The following AMBRA1 variants were observed in gnomAD, a reference collection of about 807,000 sequenced individuals.
AMBRA1 encodes the protein autophagy and beclin 1 regulator 1, also known as activating molecule in BECN1-regulated autophagy protein 1.
AMBRA1 carries 47 observed loss-of-function variants against 125.4 expected under a neutral mutation model. The observed-to-expected ratio is 0.37, with a 90% CI of 0.30 to 0.48. The LOEUF (loss-of-function observed/expected upper bound fraction) is 0.48, where lower values mean the gene tolerates loss of function less well. Ranked by LOEUF, AMBRA1 falls within the 20% of genes least tolerant of loss-of-function variation. AMBRA1 has a pLI of 0.99. For synonymous variants in AMBRA1, 626 were observed against 655.5 expected (o/e 0.95, Z 0.69); for missense variants, 1,331 against 1,693.4 (o/e 0.79, Z 3.76).
At chr11:46,545,926 G>A (rs991376828) in intron 4 of AMBRA1, 150 bp from the exon 5 acceptor site, 9 of 661,984 alleles carry the variant, frequency 1.4e-5, no homozygotes, top group South Asian at 3.9e-5. Flanking sequence ...GAAGATCAGC[G>A]ATCTGGTAGT....
intron 9 of AMBRA1, among the ~76,000 whole-genome samples, chr11:46,506,929 G>A (rs938573341): frequency 6.6e-6 from 1 of 151,450 alleles, no homozygotes; most frequent in Non-Finnish European, 1.5e-5. Flanking sequence ...ACTTTGGGAG[G>A]CCAAGGCAGG....
chr11:46,400,123 A>G (rs556035233), intron 17 of AMBRA1, among the ~76,000 whole-genome samples: 4 of 152,224 alleles, frequency 2.6e-5, no homozygotes, highest in Admixed American at 2.0e-4. Flanking sequence ...AGCTCTTGGT[A>G]GGGTGAGAAC....
intron 14 of AMBRA1, among the ~76,000 whole-genome samples, chr11:46,419,995 T>TACATACACACACACACACACACACACAC (rs1946767316): frequency 7.8e-6 from 1 of 129,018 alleles, no homozygotes; most frequent in Non-Finnish European, 1.6e-5. Context: ...GTGTCCTCAA[T>TACATACACACACACACACACACACACAC]ACACACACAC....
intron 7 of AMBRA1, among the ~76,000 whole-genome samples, chr11:46,533,181 G>T (rs927557866): frequency 6.6e-6 from 1 of 151,766 alleles, no homozygotes; most frequent in African/African-American, 2.4e-5. Flanking sequence ...AAAAAAAAAG[G>T]AAAAGAATTA....
intron 16 of AMBRA1, 133 bp from the exon 17 acceptor site, chr11:46,408,839 T>A (rs1193632646): frequency 2.8e-6 from 2 of 724,192 alleles, no homozygotes; most frequent in Admixed American, 7.7e-5. Flanking sequence ...CCTGTGCTCC[T>A]GCAACTACAT....
At chr11:46,567,941 G>A (rs2043593799) in intron 1 of AMBRA1, among the ~76,000 whole-genome samples, 1 of 151,644 alleles carries the variant, frequency 6.6e-6, no homozygotes, top group South Asian at 2.1e-4. Context: ...TGACATCAGG[G>A]GTCTGAAACC....
intron 11 of AMBRA1, among the ~76,000 whole-genome samples, chr11:46,483,255 A>T (rs180841475): frequency 6.6e-6 from 1 of 152,154 alleles, no homozygotes; most frequent in East Asian, 1.9e-4. Context: ...CTGGGGTGAC[A>T]CTCAACAGCT....
intron 14 of AMBRA1, chr11:46,428,672 C>T (rs1237592528): frequency 1.9e-5 from 30 of 1,599,420 alleles, no homozygotes; most frequent in Middle Eastern, 4.4e-4. Context: ...TGGCTGACCA[C>T]GTCCACGACC....
At chr11:46,402,428 C>G (rs1945809323) in intron 17 of AMBRA1, among the ~76,000 whole-genome samples, 1 of 152,132 alleles carries the variant, frequency 6.6e-6, no homozygotes, top group Non-Finnish European at 1.5e-5. Flanking sequence ...GTGGCGAGAT[C>G]TCAGCTCACT....
rs1377049396 is a variant in AMBRA1, at chr11:46,508,290, C to T, written c.2240G>A (p.Arg747His). 1.2e-5 allele frequency: 20 copies of T among 1,614,090 alleles called. No homozygotes were observed. The highest frequency in any genetic ancestry group is 1.5e-5 in the Non-Finnish European group (18 of 1,180,040). Residue 747 changes from arginine (R) to histidine (H), a missense_variant, in exon 9 of 18, where the codon CGC (arginine) becomes CAC (histidine). By Grantham distance (29) the Arg-to-His change is conservative. Coordinates refer to ENST00000683756, the MANE Select transcript of AMBRA1 (RefSeq NM_001387011.1). ...AGAACGGAGACGGTTCTGTTGGTAG[C>T]GCATGGAGCGCTGGCGAATACTGTC... ...RRDSIRQRSM[R>H]YQQNRLRSST...
chr11:46,542,566 C>T lies in AMBRA1; in HGVS notation c.1451G>A (p.Gly484Glu), dbSNP rs762480486. Residue 484 changes from glycine (G) to glutamate (E), a missense_variant, in exon 7 of 18, where the codon GGG (glycine) becomes GAG (glutamate). By Grantham distance (98) the Gly-to-Glu change is moderately conservative. Around this residue, in one of 4 missense-constraint regions of AMBRA1, gnomAD observed 689 missense variants for 776.5 expected, o/e 0.89. Coordinates refer to ENST00000683756, the MANE Select transcript of AMBRA1 (RefSeq NM_001387011.1). The surrounding 1 kb of genome is among the most constrained non-coding windows in gnomAD (Gnocchi z 5.9). The stretch of plus-strand genomic sequence containing the variant: ...CGAGTTGTTTTGGCTGGAGCCATTC[C>T]CTCCATCTGACTCAGTTGCCAACCC... ...ASGLATESDG[G>E]NGSSQNNSGS... The T allele has an allele frequency of 2.5e-6, 4 of 1,613,442 alleles. No homozygotes were observed. In the Admixed American group the frequency reaches 6.7e-5, roughly 27 times the overall value.
chr11:46,547,445 A>G (rs2042860663), intron 3 of AMBRA1, 149 bp from the exon 4 acceptor site: 1 of 690,448 alleles, frequency 1.4e-6, no homozygotes, highest in African/African-American at 1.8e-5. Flanking sequence ...ATATCTACAA[A>G]CAGAAATATT....
intron 1 of AMBRA1, among the ~76,000 whole-genome samples, chr11:46,583,244 A>G (rs928971606): frequency 2.2e-4 from 34 of 152,056 alleles, no homozygotes; most frequent in Non-Finnish European, 3.4e-4. Flanking sequence ...AAAACAAGCA[A>G]TGGGGAAAGG....
chr11:46,558,497 T>C (rs2043227253), intron 1 of AMBRA1, among the ~76,000 whole-genome samples: 2 of 132,094 alleles, frequency 1.5e-5, no homozygotes, highest in South Asian at 4.7e-4. Flanking sequence ...TGCAATGAGC[T>C]GAGATCCCAC....
chr11:46,565,757 A>T (rs902949507), intron 1 of AMBRA1, among the ~76,000 whole-genome samples: 2 of 152,082 alleles, frequency 1.3e-5, no homozygotes. Flanking sequence ...ATAGTAGCCA[A>T]AAAATTTATA....
At chr11:46,582,433 T>C (rs1216477426) in intron 1 of AMBRA1, among the ~76,000 whole-genome samples, 1 of 152,222 alleles carries the variant, frequency 6.6e-6, no homozygotes, top group African/African-American at 2.4e-5. Flanking sequence ...ACTGCAATTA[T>C]ATGTTTATTG....
At chr11:46,552,641 T>C (rs1016569561) in intron 1 of AMBRA1, among the ~76,000 whole-genome samples, 25 of 147,386 alleles carry the variant, frequency 1.7e-4, no homozygotes, top group African/African-American at 6.3e-4. Context: ...GCCGTGCCAT[T>C]GCACTCCAGC....
chr11:46,585,007 G>A (rs1017233931), intron 1 of AMBRA1, among the ~76,000 whole-genome samples: 8 of 152,090 alleles, frequency 5.3e-5, no homozygotes, highest in Non-Finnish European at 1.2e-4. Context: ...GGGAGGTAGA[G>A]GTTGCTGAGA....
chr11:46,401,192 C>CT (rs1255384699), intron 17 of AMBRA1, among the ~76,000 whole-genome samples: 2 of 152,154 alleles, frequency 1.3e-5, no homozygotes, highest in Non-Finnish European at 1.5e-5. Flanking sequence ...TGTGGCTGGC[C>CT]TGAGGCCTGC....
Sources: allele counts gnomAD v4.1 joint callset (sites outside exome capture counted in the v4.1 genomes callset), GRCh38; gene constraint gnomAD v4.1.1; regional missense constraint gnomAD v4.1.1; non-coding constraint Gnocchi (gnomAD v3.1); transcripts MANE v1.5; gene names NCBI Gene and HGNC (gene_info 2026-07-23, HGNC 2026-07-21).